NSDHL: variants seen among roughly 807,000 people sequenced by gnomAD.
The protein encoded by NSDHL is NAD(P) dependent 3-beta-hydroxysteroid dehydrogenase NSDHL.
Under a neutral mutation model 23.0 loss-of-function variants are expected in NSDHL, and 1 was observed. The ratio of observed to expected loss-of-function variants is 0.04; its 90% CI spans 0.02 to 0.21. The LOEUF (loss-of-function observed/expected upper bound fraction) is 0.21. Among genes scored for constraint, NSDHL ranks in the 10% least tolerant of loss-of-function variants. The pLI, the probability that NSDHL is intolerant of heterozygous loss-of-function variation, is 1.00. For synonymous variants in NSDHL, 128 were observed against 121.1 expected (o/e 1.06, Z -0.37); for missense variants, 237 against 300.9 (o/e 0.79, Z 1.57).
chrX:152,831,294 G>C (rs1032236017), intron 1 of NSDHL, among the ~76,000 whole-genome samples, 177 bp downstream of exon 1: 10 of 111,806 alleles, frequency 8.9e-5, no homozygotes, highest in Non-Finnish European at 3.8e-5. Context: ...GTTGGAGCAG[G>C]GACTGTACTC....
At chrX:152,855,314 T>C (rs1933428066) in intron 3 of NSDHL, among the ~76,000 whole-genome samples, 1 of 111,917 alleles carries the variant, frequency 8.9e-6, no homozygotes, top group Non-Finnish European at 1.9e-5. Flanking sequence ...CATGACACTT[T>C]TAAAGTCACC....
intron 1 of NSDHL, among the ~76,000 whole-genome samples, chrX:152,836,417 AG>A (rs782495525): frequency 7.2e-5 from 8 of 111,884 alleles, no homozygotes; most frequent in Non-Finnish European, 1.3e-4. Context: ...GTTTTCTTCT[AG>A]GGTTTTTATG....
intron 3 of NSDHL, among the ~76,000 whole-genome samples, chrX:152,854,482 T>C (rs781968370): frequency 8.2e-5 from 9 of 109,994 alleles, no homozygotes; most frequent in Non-Finnish European, 1.7e-4. Context: ...CAATCTAAGC[T>C]CACTGCAGCC....
chrX:152,838,132 C>G (rs1395031123), intron 1 of NSDHL, among the ~76,000 whole-genome samples: 1 of 111,675 alleles, frequency 9.0e-6, no homozygotes, highest in Non-Finnish European at 1.9e-5. Flanking sequence ...TCTGTGGGAT[C>G]GGTGGTGATA....
At chrX:152,842,560 G>A (rs972086985) in intron 1 of NSDHL, among the ~76,000 whole-genome samples, 1 of 111,283 alleles carries the variant, frequency 9.0e-6, no homozygotes, top group Non-Finnish European at 1.9e-5. Context: ...GTGCAATGGC[G>A]GCACCATCTT....
chrX:152,865,575 C>T (rs1198415603), intron 5 of NSDHL, among the ~76,000 whole-genome samples: 1 of 112,880 alleles, frequency 8.9e-6, no homozygotes, highest in Non-Finnish European at 1.9e-5. Context: ...TTTTGCCCAG[C>T]TGTCTGTCCT....
intron 5 of NSDHL, 50 bp downstream of exon 5, chrX:152,862,774 C>T (rs1556847663): frequency 1.8e-6 from 2 of 1,140,618 alleles, no homozygotes; most frequent in African/African-American, 3.6e-5. Context: ...GTTTAGAATC[C>T]TAAGAAAAAT....
chrX:152,847,686 A>G (rs1933294811), intron 2 of NSDHL, among the ~76,000 whole-genome samples: 1 of 111,843 alleles, frequency 8.9e-6, no homozygotes, highest in Non-Finnish European at 1.9e-5. Flanking sequence ...GACTACTAAA[A>G]CAAAAAGAAC....
At chrX:152,861,952 G>A (rs1350647485) in intron 4 of NSDHL, among the ~76,000 whole-genome samples, 8 of 112,083 alleles carry the variant, frequency 7.1e-5, no homozygotes, top group Admixed American at 1.9e-4. Flanking sequence ...TTATAAATTC[G>A]TGTTTATCTT....
intron 7 of NSDHL, 118 bp from the exon 8 acceptor site, chrX:152,868,666 C>A: frequency 1.6e-6 from 1 of 630,189 alleles, no homozygotes. Flanking sequence ...GGGCAGGCCA[C>A]GTGGAAAGCT....
chrX:152,836,122 A>G (rs782069603), intron 1 of NSDHL, among the ~76,000 whole-genome samples: 3 of 112,255 alleles, frequency 2.7e-5, no homozygotes, highest in East Asian at 5.6e-4. Context: ...GTCTGTTCAT[A>G]TCCTTTGCCC....
At position 152,869,407 on chromosome X, in the gene NSDHL, G is replaced by A; in HGVS notation, c.*291G>A. ...TACCCCCTCCCTTGCCCCCTCTTCT[G>A]GTTTATACATTTCATTCCAGTGTCC... is the stretch of plus-strand genomic sequence containing the variant. On this transcript the variant is annotated 3_prime_UTR_variant, in exon 8 of 8. Coordinates refer to ENST00000370274, the MANE Select transcript of NSDHL (RefSeq NM_015922.3). The A allele has an allele frequency of 2.8e-6, 1 of 358,083 alleles. No individual in the cohort carries two copies. The highest frequency in any genetic ancestry group is 5.0e-6 in the Non-Finnish European group (1 of 200,799). 29.5% of individuals were successfully genotyped at this position (358,083 alleles called of 1,213,427 possible). A position where few individuals can be genotyped will look rare whatever the true frequency, so the allele number is the denominator to read the frequency against.
At chrX:152,866,302 C>A (rs1933606955) in intron 6 of NSDHL, among the ~76,000 whole-genome samples, 1 of 112,152 alleles carries the variant, frequency 8.9e-6, no homozygotes, top group Admixed American at 9.4e-5. Flanking sequence ...GGGCAGAGCC[C>A]CCATGACCTA....
intron 1 of NSDHL, among the ~76,000 whole-genome samples, chrX:152,845,580 G>A (rs1045508273): frequency 1.8e-5 from 2 of 111,547 alleles, no homozygotes; most frequent in Non-Finnish European, 3.8e-5. Context: ...CAACGTTGTC[G>A]GATTTTATTG....
chrX:152,855,751 T>C (rs1933435445), intron 3 of NSDHL, among the ~76,000 whole-genome samples: 1 of 112,196 alleles, frequency 8.9e-6, no homozygotes, highest in South Asian at 3.7e-4. Context: ...GTTTCACCTA[T>C]ATTCCTCCTC....
intron 4 of NSDHL, among the ~76,000 whole-genome samples, chrX:152,859,785 C>G (rs185126395): frequency 3.6e-4 from 40 of 112,451 alleles, no homozygotes; most frequent in African/African-American, 1.3e-3. Flanking sequence ...TACGTTTAAC[C>G]TTTTGAGGAG....
At chrX:152,838,392 G>T (rs1424742761) in intron 1 of NSDHL, among the ~76,000 whole-genome samples, 3 of 111,693 alleles carry the variant, frequency 2.7e-5, no homozygotes, top group South Asian at 7.4e-4. Flanking sequence ...TGTGATGTTA[G>T]GGTGTCAATT....
chrX:152,869,284 C>G lies in NSDHL; in HGVS notation c.*168C>G. On this transcript the variant is annotated 3_prime_UTR_variant, in exon 8 of 8. Coordinates refer to ENST00000370274, the MANE Select transcript of NSDHL (RefSeq NM_015922.3). ...TCCGTGACGATGAGGGCGGCAAAAA[C>G]AGACATTTCTTCCTTCATGGAACTG... 2.0e-6 allele frequency: 1 copy of G among 496,902 alleles called. No individual in the cohort carries two copies. Among genetic ancestry groups the G allele is most frequent in the Non-Finnish European group, 3.6e-6 (1 of 278,629 alleles). 41.0% of individuals were successfully genotyped at this position (496,902 alleles called of 1,213,427 possible).
chrX:152,840,969 G>C (rs1045805902), intron 1 of NSDHL, among the ~76,000 whole-genome samples: 5 of 112,997 alleles, frequency 4.4e-5, no homozygotes, highest in Non-Finnish European at 9.4e-5. Flanking sequence ...TGCCCAGTTC[G>C]AGCTTCTCAG....
Sources: allele counts gnomAD v4.1 joint callset (sites outside exome capture counted in the v4.1 genomes callset), GRCh38; gene constraint gnomAD v4.1.1; transcripts MANE v1.5; gene names NCBI Gene and HGNC (gene_info 2026-07-23, HGNC 2026-07-21).